The following MET variants were observed in gnomAD, a reference collection of about 807,000 sequenced individuals.
MET encodes the protein hepatocyte growth factor receptor.
In MET, 48 loss-of-function variants were observed where a neutral mutation model predicts 133.1. The observed-to-expected ratio is 0.36, with a 90% CI of 0.29 to 0.46. MET has a LOEUF of 0.46. Ranked by LOEUF, MET falls within the 20% of genes least tolerant of loss-of-function variation. The pLI, the probability that MET is intolerant of heterozygous loss-of-function variation, is 1.00. For missense variants in MET, 1,442 were observed against 1,695.9 expected (o/e 0.85, Z 2.63); for synonymous variants, 628 against 616.5 (o/e 1.02, Z -0.28).
chr7:116,719,761 G>C (rs1272698128), intron 2 of MET, among the ~76,000 whole-genome samples: 8 of 151,770 alleles, frequency 5.3e-5, no homozygotes, highest in African/African-American at 1.9e-4. Context: ...TTTCCCCATT[G>C]CTTGTTTTTC....
At chr7:116,743,305 G>A (rs185539839) in intron 5 of MET, among the ~76,000 whole-genome samples, 60 of 152,256 alleles carry the variant, frequency 3.9e-4, no homozygotes, top group African/African-American at 1.3e-3. Flanking sequence ...AAAACTGGGC[G>A]GCCATTTGGG....
At position 116,683,460 on chromosome 7, in the gene MET, T is replaced by G. The variant is rs192225324; in HGVS notation, c.-15+10883T>G. Among the ~76,000 whole-genome samples the G allele has an allele frequency of 6.6e-5, 10 of 152,322 alleles. No homozygotes were observed. In the East Asian group the frequency reaches 1.9e-3, roughly 29 times the overall value. On this transcript the variant is annotated intron_variant, in intron 1 of 20. Coordinates refer to ENST00000397752, the MANE Select transcript of MET (RefSeq NM_000245.4). Reference sequence around the variant, plus strand: ...TTCATTCACCTCTTACTCAACTTACTGATTCTTCTAGAAAGAAATAAAACA... The same window carrying G: ...TTCATTCACCTCTTACTCAACTTACGGATTCTTCTAGAAAGAAATAAAACA...
At chr7:116,736,950 T>TA (rs1334586292) in intron 3 of MET, among the ~76,000 whole-genome samples, 3 of 152,234 alleles carry the variant, frequency 2.0e-5, no homozygotes, top group Non-Finnish European at 4.4e-5. Flanking sequence ...TGGCACACAT[T>TA]ACTTCAGGGG....
chr7:116,746,165 A>T (rs1416616452), intron 5 of MET, among the ~76,000 whole-genome samples: 1 of 152,270 alleles, frequency 6.6e-6, no homozygotes, highest in Non-Finnish European at 1.5e-5. Context: ...TGCAGTCAAA[A>T]GACACATGAA....
chr7:116,726,168 T>TACACACACAC (rs1792772348), intron 2 of MET, among the ~76,000 whole-genome samples: 1 of 119,260 alleles, frequency 8.4e-6, no homozygotes, highest in Non-Finnish European at 1.7e-5. Flanking sequence ...TATATATATA[T>TACACACACAC]ATATATATAT....
At chr7:116,745,075 G>A (rs1202270909) in intron 5 of MET, among the ~76,000 whole-genome samples, 2 of 152,206 alleles carry the variant, frequency 1.3e-5, no homozygotes, top group Non-Finnish European at 2.9e-5. Flanking sequence ...AGCAACTTTA[G>A]CAAAGTCTCA....
rs1794462604 is a variant in MET, at chr7:116,763,112, G to C, written c.2427G>C (p.Leu809=). 3 of 1,614,048 alleles carry C rather than the reference G, an allele frequency of 1.9e-6. No individual in the cohort carries two copies. Among genetic ancestry groups the C allele is most frequent in the Non-Finnish European group, 2.5e-6 (3 of 1,179,992 alleles). The change falls in exon 11 of 21, where the codon CTG becomes CTC. Residue 809 remains leucine (L), a synonymous_variant. Transcript: ENST00000397752. ...ICCTTPSLQQ[L]NLQLPLKTKA... is the part of the protein sequence containing the mutation. ...GTACCACTCCTTCCCTGCAACAGCT[G>C]AATCTGCAACTCCCCCTGAAAACCA...
rs549169361 is a variant in MET, at chr7:116,706,687, C to G, written c.1200+6403C>G. On this transcript the variant is annotated intron_variant, in intron 2 of 20. Transcript: ENST00000397752. ...ATCAGAATTTGGATAGAAGACCCTCCAGGAATTTCTGCCACTGCTTATTCA... is the reference window on the plus strand; with the variant it reads ...ATCAGAATTTGGATAGAAGACCCTCGAGGAATTTCTGCCACTGCTTATTCA... Among the ~76,000 whole-genome samples the G allele has an allele frequency of 5.9e-5, 9 of 152,094 alleles. No individual in the cohort carries two copies. The East Asian group carries it at 1.5e-3, about 26-fold the overall frequency.
Position 116,769,680 on chromosome 7 carries a change from A to C in MET, c.2619A>C (p.Glu873Asp). The C allele has an allele frequency of 6.2e-7, 1 of 1,612,886 alleles. No homozygotes were observed. The highest frequency in any genetic ancestry group is 8.5e-7 in the Non-Finnish European group (1 of 1,179,720). The change falls in exon 12 of 21, where the codon GAA becomes GAC. Residue 873 changes from glutamate (E) to aspartate (D), a missense_variant. Glu to Asp is a conservative substitution (Grantham distance 45). Transcript: ENST00000397752. Reference sequence around the variant, plus strand: ...TTGACCCTGAAGCAGTTAAAGGTGAAGTGTTAAAAGTTGGAAATAAGAGCT... The same window carrying C: ...TTGACCCTGAAGCAGTTAAAGGTGACGTGTTAAAAGTTGGAAATAAGAGCT... ...NDIDPEAVKGEVLKVGNKSCE... is the reference protein window; with the variant it reads ...NDIDPEAVKGDVLKVGNKSCE...
chr7:116,752,377 G>A (rs1398215122), intron 5 of MET, among the ~76,000 whole-genome samples: 1 of 152,164 alleles, frequency 6.6e-6, no homozygotes, highest in East Asian at 1.9e-4. Context: ...AAAAGACAAG[G>A]GCTACTTTTG....
chr7:116,771,807 A>G (rs2116995099), intron 13 of MET, 42 bp from the exon 14 acceptor site: 1 of 1,613,522 alleles, frequency 6.2e-7, no homozygotes, highest in Non-Finnish European at 8.5e-7. Flanking sequence ...GGGGCCCATG[A>G]TAGCCGTCTT....
intron 1 of MET, among the ~76,000 whole-genome samples, chr7:116,698,123 G>C (rs1025360362): frequency 6.6e-6 from 1 of 152,012 alleles, no homozygotes; most frequent in Admixed American, 6.6e-5. Flanking sequence ...TCATTCTAAG[G>C]CCTCTCCTTT....
intron 2 of MET, among the ~76,000 whole-genome samples, chr7:116,723,746 G>A (rs897872000): frequency 8.5e-5 from 13 of 152,190 alleles, no homozygotes; most frequent in African/African-American, 3.1e-4. Context: ...CCTGCCGTGT[G>A]AGGTGTCAGT....
intron 19 of MET, among the ~76,000 whole-genome samples, chr7:116,795,187 A>T (rs1241465049): frequency 6.6e-6 from 1 of 152,132 alleles, no homozygotes; most frequent in African/African-American, 2.4e-5. Flanking sequence ...AGACCTTCCC[A>T]TTTAATAGTA....
chr7:116,786,068 C>A (rs1437629428), intron 19 of MET, among the ~76,000 whole-genome samples: 1 of 152,224 alleles, frequency 6.6e-6, no homozygotes, highest in Admixed American at 6.5e-5. Flanking sequence ...TATTTCTAAC[C>A]ATTCTGAAGG....
intron 16 of MET, among the ~76,000 whole-genome samples, chr7:116,778,093 G>A (rs1795048651): frequency 6.6e-6 from 1 of 152,138 alleles, no homozygotes; most frequent in African/African-American, 2.4e-5. Context: ...TGCATACTCT[G>A]TTTAAGGGAA....
intron 1 of MET, among the ~76,000 whole-genome samples, chr7:116,681,711 A>G (rs1386339445): frequency 2.0e-5 from 3 of 152,214 alleles, no homozygotes. Context: ...CACTTCAGGC[A>G]GAATTCATAT....
intron 19 of MET, among the ~76,000 whole-genome samples, chr7:116,793,852 T>C (rs184396677): frequency 5.3e-4 from 81 of 151,984 alleles, no homozygotes; most frequent in Non-Finnish European, 1.1e-3. Flanking sequence ...TACACCAAGA[T>C]TGCACCACTT....
chr7:116,714,656 C>T (rs1030716104), intron 2 of MET, among the ~76,000 whole-genome samples: 2 of 151,788 alleles, frequency 1.3e-5, no homozygotes, highest in Non-Finnish European at 2.9e-5. Flanking sequence ...GATTGACAAA[C>T]GATAGCCTGT....
Sources: allele counts gnomAD v4.1 joint callset (sites outside exome capture counted in the v4.1 genomes callset), GRCh38; gene constraint gnomAD v4.1.1; transcripts MANE v1.5; gene names NCBI Gene and HGNC (gene_info 2026-07-23, HGNC 2026-07-21).